The following SLC35F4 variants were observed in gnomAD, a reference collection of about 807,000 sequenced individuals.
The protein encoded by SLC35F4 is solute carrier family 35 member F4.
In SLC35F4, 24 loss-of-function variants were observed where a neutral mutation model predicts 44.2. The ratio of observed to expected loss-of-function variants is 0.54; its 90% confidence interval spans 0.39 to 0.76. SLC35F4 has a LOEUF of 0.76. SLC35F4 is among the 30% of genes least tolerant of loss of function. SLC35F4 has a pLI of 0.00. For synonymous variants in SLC35F4, 238 were observed against 223.6 expected, an observed-to-expected ratio of 1.06 and a Z score of -0.57; for missense variants, 562 against 586.1, an observed-to-expected ratio of 0.96 and a Z score of 0.42.
At chr14:57,926,890 G>A (rs143015653) in intron 1 of SLC35F4, among the ~76,000 whole-genome samples, 2 of 152,232 alleles carry the variant, frequency 1.3e-5, no homozygotes, top group East Asian at 3.9e-4. Context: ...AGTGGAGCCT[G>A]CGATTCCAAA....
chr14:57,674,879 C>A (rs542677338), intron 1 of SLC35F4, among the ~76,000 whole-genome samples: 1 of 152,098 alleles, frequency 6.6e-6, no homozygotes, highest in Non-Finnish European at 1.5e-5. Flanking sequence ...AGTGAACCTG[C>A]ATCTTCTATA....
upstream of SLC35F4, among the ~76,000 whole-genome samples, chr14:57,869,248 A>G (rs1200973010): frequency 6.6e-6 from 1 of 151,456 alleles, no homozygotes; most frequent in Non-Finnish European, 1.5e-5. Flanking sequence ...AGTTCATGGG[A>G]TGATCACTTA....
intron 6 of SLC35F4, among the ~76,000 whole-genome samples, chr14:57,568,676 C>T (rs1242925374): frequency 1.3e-5 from 2 of 152,134 alleles, no homozygotes; most frequent in East Asian, 1.9e-4. Flanking sequence ...AATACTCTTG[C>T]AGGGATGAAA....
chr14:57,661,540 T>C (rs573525133), intron 1 of SLC35F4, among the ~76,000 whole-genome samples: 5 of 152,324 alleles, frequency 3.3e-5, no homozygotes, highest in South Asian at 4.1e-4. Context: ...TAAGTACCTG[T>C]AGCAGTAATA....
intron 1 of SLC35F4, among the ~76,000 whole-genome samples, chr14:57,765,439 A>G (rs753111607): frequency 2.0e-4 from 31 of 152,376 alleles, no homozygotes; most frequent in Non-Finnish European, 3.8e-4. Flanking sequence ...CCCATTCTGC[A>G]TTGAGAACCA....
chr14:57,817,741 A>G (rs1202772491), intron 1 of SLC35F4, among the ~76,000 whole-genome samples: 1 of 152,120 alleles, frequency 6.6e-6, no homozygotes, highest in African/African-American at 2.4e-5. Context: ...TGACCCAAAA[A>G]TGTGGTTAGA....
intron 1 of SLC35F4, among the ~76,000 whole-genome samples, chr14:57,964,969 T>TGG (rs1371591877): frequency 1.0e-5 from 1 of 100,304 alleles, no homozygotes; most frequent in African/African-American, 4.5e-5. Flanking sequence ...AATGCTCCCA[T>TGG]GGGGGAAAAA....
chr14:57,648,105 C>A (rs60692671), intron 1 of SLC35F4, among the ~76,000 whole-genome samples: 31,488 of 152,042 alleles, frequency 0.21, 3,336 homozygotes, highest in South Asian at 0.34. Flanking sequence ...ACTTCTAGCA[C>A]GATTTCTTTA....
Position 57,589,513 on chromosome 14 carries a change from G to A in SLC35F4, c.290C>T (p.Ala97Val), listed in dbSNP as rs1169491065. Reference protein sequence around the residue: ...GHRVERQNRSADDGTQTHSEN... With the variant: ...GHRVERQNRSVDDGTQTHSEN... Reference sequence around the variant, plus strand: ...AGAATGAGTCTGTGTCCCATCGTCTGCTGGAAACAGGAAAGGAATACAAAT... The same window carrying A: ...AGAATGAGTCTGTGTCCCATCGTCTACTGGAAACAGGAAAGGAATACAAAT... The change falls in exon 3 of 8, where the codon GCA becomes GTA. Residue 97 changes from alanine to valine, a missense_variant and splice_region_variant. Physicochemically the swap from Ala to Val is moderately conservative, Grantham distance 64. Transcript: ENST00000556826. 6.3e-7 allele frequency: 1 copy of A among 1,597,748 alleles called. No homozygotes were observed. Among genetic ancestry groups the A allele is most frequent in the Non-Finnish European group, 8.5e-7 (1 of 1,173,240 alleles).
rs72624723 is a variant in SLC35F4 at position 57,819,796 on chromosome 14, G to C, written c.103+45927C>G. Among the ~76,000 whole-genome samples the C allele has an allele frequency of 0.015, 2,133 of 144,694 alleles. 273 individuals are homozygous for C. The East Asian group carries it at 0.34, about 23-fold the overall frequency. The allele number at this position is 144,694 out of a possible 152,430, so 94.9% of individuals were successfully genotyped here. ...CCATTGCACTCCAGCCTGGGCAACA[G>C]AGCAAGACCCCGTCTCAAAAAAAAA... On this transcript the variant is annotated intron_variant, in intron 1 of 7. Coordinates refer to ENST00000556826, the MANE Select transcript of SLC35F4 (RefSeq NM_001306087.2).
intron 1 of SLC35F4, among the ~76,000 whole-genome samples, chr14:57,890,541 G>A (rs1888738848): frequency 7.5e-6 from 1 of 132,716 alleles, no homozygotes; most frequent in Non-Finnish European, 1.6e-5. Context: ...TTATGGATGT[G>A]AGCCCCTCTC....
At chr14:57,933,868 C>CA (rs540231701) in intron 1 of SLC35F4, among the ~76,000 whole-genome samples, 1,583 of 151,306 alleles carry the variant, frequency 0.01, 12 homozygotes, top group African/African-American at 0.018. Flanking sequence ...GCACCTGGAG[C>CA]AAAAAAAAGT....
At chr14:57,878,227 A>T (rs1287437928) in intron 1 of SLC35F4, among the ~76,000 whole-genome samples, 4 of 152,028 alleles carry the variant, frequency 2.6e-5, no homozygotes, top group Non-Finnish European at 5.9e-5. Flanking sequence ...TTGGATGCAT[A>T]GTTTGCAAGT....
chr14:57,822,079 C>T (rs899241070), intron 1 of SLC35F4, among the ~76,000 whole-genome samples: 1 of 152,204 alleles, frequency 6.6e-6, no homozygotes, highest in African/African-American at 2.4e-5. Context: ...GCAAGCAAAA[C>T]CTCAGTCTGT....
At chr14:57,861,796 A>T (rs1887703420) in intron 1 of SLC35F4, among the ~76,000 whole-genome samples, 1 of 152,084 alleles carries the variant, frequency 6.6e-6, no homozygotes, top group Non-Finnish European at 1.5e-5. Context: ...ATCTCCCTGG[A>T]TGCTCCTTCT....
chr14:57,665,056 G>C (rs2074261886), intron 1 of SLC35F4, among the ~76,000 whole-genome samples: 1 of 151,906 alleles, frequency 6.6e-6, no homozygotes, highest in Non-Finnish European at 1.5e-5. Flanking sequence ...CCATTCTAGG[G>C]ACCCTCTTCC....
chr14:57,765,157 A>C (rs566968241), intron 1 of SLC35F4, among the ~76,000 whole-genome samples: 3 of 152,328 alleles, frequency 2.0e-5, no homozygotes, highest in African/African-American at 7.2e-5. Flanking sequence ...GGTTTTATTC[A>C]AGATAGGAAA....
chr14:57,611,591 A>AC (rs2071506177), intron 1 of SLC35F4, among the ~76,000 whole-genome samples: 2 of 151,212 alleles, frequency 1.3e-5, no homozygotes, highest in Admixed American at 1.3e-4. Flanking sequence ...GAGTTAAAAA[A>AC]AAAAAAACAA....
At chr14:57,725,628 C>T (rs2076183430) in intron 1 of SLC35F4, among the ~76,000 whole-genome samples, 1 of 152,190 alleles carries the variant, frequency 6.6e-6, no homozygotes, top group South Asian at 2.1e-4. Context: ...TCATGGAACT[C>T]ACTGGTCTTA....
Sources: allele counts gnomAD v4.1 joint callset (sites outside exome capture counted in the v4.1 genomes callset), GRCh38; gene constraint gnomAD v4.1.1; transcripts MANE v1.5; gene names NCBI Gene and HGNC (gene_info 2026-07-23, HGNC 2026-07-21).